Variants in APOD observed in about 807,000 individuals in gnomAD.
The protein encoded by APOD is apolipoprotein D.
APOD carries 22 observed loss-of-function variants against 20.4 expected under a neutral mutation model. That is an observed-to-expected ratio of 1.08 (90% confidence interval 0.77 to 1.54). APOD has a LOEUF of 1.54. Among genes scored for constraint, APOD ranks in the 40% most tolerant of loss-of-function variants. The pLI is 0.00. For synonymous variants in APOD, 97 were observed against 92.4 expected, an observed-to-expected ratio of 1.05 and a Z score of -0.29; for missense variants, 223 against 229.6, an observed-to-expected ratio of 0.97 and a Z score of 0.19.
At chr3:195,576,956 G>A (rs1041407386) in intron 2 of APOD, 16 of 168,340 alleles carry the variant, frequency 9.5e-5, no homozygotes, top group South Asian at 2.4e-4. Context: ...AGGCCGAGGC[G>A]GATGGATTGC....
chr3:195,568,847 G>T lies in APOD; in HGVS notation c.*53C>A. On this transcript the variant is annotated 3_prime_UTR_variant, in exon 5 of 5. Transcript: ENST00000343267. ...TTGTCTTTATGGGGGGGGGGTAGGG[G>T]AAAGCGAAGCAGAAGTAACATGGAG... 1 of 1,175,920 alleles carries T rather than the reference G, an allele frequency of 8.5e-7. No homozygotes were observed. Among genetic ancestry groups the T allele is most frequent in the Non-Finnish European group, 1.2e-6 (1 of 802,214 alleles). The allele number at this position is 1,175,920 out of a possible 1,614,324, so 72.8% of individuals were successfully genotyped here.
At chr3:195,571,442 C>T in intron 3 of APOD, 77 bp from the exon 4 acceptor site, 2 of 1,334,570 alleles carry the variant, frequency 1.5e-6, no homozygotes, top group South Asian at 1.3e-5. Flanking sequence ...AGCCAATAAG[C>T]AACGAAAGGC....
chr3:195,575,436 TACC>T (rs1316699437), intron 2 of APOD, among the ~76,000 whole-genome samples: 2 of 152,198 alleles, frequency 1.3e-5, no homozygotes, highest in Non-Finnish European at 2.9e-5. Flanking sequence ...CTCTTCTGCT[TACC>T]ACAGTTATTA....
chr3:195,580,431 G>T (rs1475021229), intron 1 of APOD, among the ~76,000 whole-genome samples: 3 of 147,782 alleles, frequency 2.0e-5, no homozygotes, highest in Admixed American at 6.8e-5. Context: ...TTGAGATGGA[G>T]TCTCACTCTG....
intron 4 of APOD, among the ~76,000 whole-genome samples, chr3:195,570,025 T>C (rs1200330529): frequency 6.6e-6 from 1 of 152,096 alleles, no homozygotes; most frequent in Non-Finnish European, 1.5e-5. Flanking sequence ...GGTCTTGAAC[T>C]CCTGACTTCG....
intron 1 of APOD, among the ~76,000 whole-genome samples, chr3:195,580,368 C>CTTTT (rs201305902): frequency 0.14 from 19,726 of 140,320 alleles, 1,736 homozygotes; most frequent in East Asian, 0.39. Flanking sequence ...TTTCTTTCTT[C>CTTTT]TTTTTTTTTT....
chr3:195,572,247 C>T (rs1457406201), intron 3 of APOD, among the ~76,000 whole-genome samples: 1 of 152,218 alleles, frequency 6.6e-6, no homozygotes, highest in Non-Finnish European at 1.5e-5. Flanking sequence ...TCCAGAGACT[C>T]CCTCTAGTTC....
chr3:195,571,474 C>T (rs777390272), intron 3 of APOD, 109 bp from the exon 4 acceptor site: 24 of 950,436 alleles, frequency 2.5e-5, no homozygotes, highest in African/African-American at 9.8e-5. Context: ...CACTAAGGAC[C>T]GTGGCAGCCA....
intron 2 of APOD, among the ~76,000 whole-genome samples, chr3:195,576,743 G>C (rs1720254730): frequency 1.3e-5 from 2 of 152,178 alleles, no homozygotes; most frequent in South Asian, 4.1e-4. Context: ...CTGGGAGGCA[G>C]AGGTTGCAGT....
At chr3:195,583,748 T>C (rs1720379254) in intron 1 of APOD, 130 bp downstream of exon 1, 1 of 152,208 alleles carries the variant, frequency 6.6e-6, no homozygotes, top group African/African-American at 2.4e-5. Flanking sequence ...AGAACAAGTC[T>C]AAAGCTACCG....
chr3:195,582,208 A>AAAC (rs1485832818), intron 1 of APOD, among the ~76,000 whole-genome samples: 2 of 152,120 alleles, frequency 1.3e-5, no homozygotes, highest in Non-Finnish European at 2.9e-5. Context: ...ACAAGCAAAC[A>AAAC]AACAACAACA....
chr3:195,575,301 T>TC (rs1226859753), intron 2 of APOD, among the ~76,000 whole-genome samples: 2 of 152,202 alleles, frequency 1.3e-5, no homozygotes, highest in Admixed American at 1.3e-4. Flanking sequence ...TAGATTGAGT[T>TC]CCCCTGGATA....
chr3:195,575,802 A>G (rs910970187), intron 2 of APOD, among the ~76,000 whole-genome samples: 4 of 151,724 alleles, frequency 2.6e-5, no homozygotes, highest in African/African-American at 7.3e-5. Context: ...TAATTTTTGT[A>G]TTTTTACTGG....
chr3:195,574,619 A>G lies in APOD; in HGVS notation c.124-648T>C, dbSNP rs74938072. 6.5e-3 allele frequency among the ~76,000 whole-genome samples: 989 copies of G among 152,308 alleles called. 10 individuals carry two copies. Among genetic ancestry groups the G allele is most frequent in the African/African-American group, 0.023 (946 of 41,560 alleles). Reference sequence around the variant, plus strand: ...TGCGGAGGGCAGTTTGGCAATATCTAGCAAAGCTAAAAATACATATTATAC... The same window carrying G: ...TGCGGAGGGCAGTTTGGCAATATCTGGCAAAGCTAAAAATACATATTATAC... On this transcript the variant is annotated intron_variant, in intron 2 of 4. Transcript: ENST00000343267.
intron 3 of APOD, among the ~76,000 whole-genome samples, chr3:195,572,655 T>C (rs1720180679): frequency 6.6e-6 from 1 of 152,118 alleles, no homozygotes; most frequent in Non-Finnish European, 1.5e-5. Context: ...GGATGTCTGT[T>C]TATCAATCCT....
At chr3:195,574,460 C>A (rs984516044) in intron 2 of APOD, among the ~76,000 whole-genome samples, 1 of 152,116 alleles carries the variant, frequency 6.6e-6, no homozygotes. Context: ...TAGGGGCCTG[C>A]GCTCAGTCCA....
chr3:195,576,201 A>G (rs1264948495), intron 2 of APOD, among the ~76,000 whole-genome samples: 2 of 152,230 alleles, frequency 1.3e-5, no homozygotes, highest in African/African-American at 2.4e-5. Context: ...TCTATGGTGC[A>G]TTCAAATCTG....
chr3:195,573,967 A>G lies in APOD; in HGVS notation c.128T>C (p.Leu43Pro). Residue 43 changes from leucine (L) to proline (P), a missense_variant, in exon 3 of 5, where the codon CTC becomes CCC. Physicochemically the swap from Leu to Pro is moderately conservative, Grantham distance 98. Transcript: ENST00000343267. Reference sequence around the variant, plus strand: ...CTTCTCAATTTCGTACCATCTTCCGAGATACTGCAGAGACAACAAGCAGAG... The same window carrying G: ...CTTCTCAATTTCGTACCATCTTCCGGGATACTGCAGAGACAACAAGCAGAG... ...VQENFDVNKY[L>P]GRWYEIEKIP... is the part of the protein sequence containing the mutation. 1 of 1,614,004 alleles carries G rather than the reference A, an allele frequency of 6.2e-7. No individual in the cohort carries two copies. Among genetic ancestry groups the G allele is most frequent in the East Asian group, 2.2e-5 (1 of 44,864 alleles).
chr3:195,582,461 C>T (rs1720355939), intron 1 of APOD, among the ~76,000 whole-genome samples: 1 of 152,074 alleles, frequency 6.6e-6, no homozygotes, highest in Admixed American at 6.5e-5. Context: ...TTATTTTTGG[C>T]CGGGCATGAT....
Sources: allele counts gnomAD v4.1 joint callset (sites outside exome capture counted in the v4.1 genomes callset), GRCh38; gene constraint gnomAD v4.1.1; transcripts MANE v1.5; gene names NCBI Gene and HGNC (gene_info 2026-07-23, HGNC 2026-07-21).